CYB5R4: variants seen among roughly 807,000 people sequenced by gnomAD.
CYB5R4 encodes N-terminal cytochrome b5 and cytochrome b5 oxidoreductase domain-containing protein.
CYB5R4 carries 55 observed loss-of-function variants against 70.2 expected under a neutral mutation model. That is an observed-to-expected ratio of 0.78 (90% CI 0.63 to 0.98). The LOEUF (loss-of-function observed/expected upper bound fraction) is 0.98, where lower values mean the gene tolerates loss of function less well. CYB5R4 is among the 50% of genes least tolerant of loss of function. The pLI is 0.00. For missense variants in CYB5R4, 562 were observed against 612.6 expected, an observed-to-expected ratio of 0.92 and a Z score of 0.87; for synonymous variants, 197 against 199.5, an observed-to-expected ratio of 0.99 and a Z score of 0.11.
rs775759597 is a variant in CYB5R4, at chr6:83,947,182, C to T, written c.1346+6581C>T. On this transcript the variant is annotated intron_variant, in intron 14 of 15. Transcript: ENST00000369681. Reference sequence around the variant, plus strand: ...TACTGCAAGGCCACAGTAACCAAAACGGCATGGTACTGGTACCAAAACAGA... The same window carrying T: ...TACTGCAAGGCCACAGTAACCAAAATGGCATGGTACTGGTACCAAAACAGA... Among the ~76,000 whole-genome samples the T allele has an allele frequency of 6.6e-5, 10 of 152,140 alleles. No individual in the cohort carries two copies. In the South Asian group the frequency reaches 1.0e-3, roughly 16 times the overall value.
intron 2 of CYB5R4, among the ~76,000 whole-genome samples, chr6:83,890,634 A>G (rs2085280338): frequency 6.6e-6 from 1 of 152,184 alleles, no homozygotes; most frequent in Non-Finnish European, 1.5e-5. Context: ...TGTGAGTAAA[A>G]TGCTGTTAGA....
At chr6:83,923,123 A>T (rs778892198) in intron 9 of CYB5R4, among the ~76,000 whole-genome samples, 1 of 151,788 alleles carries the variant, frequency 6.6e-6, no homozygotes. Flanking sequence ...GCTTATAGAA[A>T]TATACTATGT....
chr6:83,911,993 G>A (rs2099464764), intron 4 of CYB5R4, among the ~76,000 whole-genome samples: 1 of 148,966 alleles, frequency 6.7e-6, no homozygotes, highest in Non-Finnish European at 1.5e-5. Context: ...CCAGGCAGAG[G>A]TTGCAGTGAG....
chr6:83,904,927 A>G (rs1324981215), intron 3 of CYB5R4, among the ~76,000 whole-genome samples: 1 of 150,974 alleles, frequency 6.6e-6, no homozygotes, highest in Non-Finnish European at 1.5e-5. Flanking sequence ...CCAGAGAATT[A>G]TTGTGTTCCT....
chr6:83,868,872 G>T (rs1263256871), intron 2 of CYB5R4, among the ~76,000 whole-genome samples: 1 of 152,162 alleles, frequency 6.6e-6, no homozygotes, highest in South Asian at 2.1e-4. Context: ...GGGCAGCATG[G>T]TTCACCCTTT....
chr6:83,870,933 A>AT (rs2099457498), intron 2 of CYB5R4, among the ~76,000 whole-genome samples: 1 of 132,244 alleles, frequency 7.6e-6, no homozygotes. Flanking sequence ...GAAAATCAAC[A>AT]TTATTTTAGT....
chr6:83,914,211 A>G (rs577743885), intron 4 of CYB5R4, among the ~76,000 whole-genome samples: 1 of 152,268 alleles, frequency 6.6e-6, no homozygotes, highest in East Asian at 1.9e-4. Context: ...ACATCTGGAG[A>G]AATATGGTCT....
At chr6:83,892,841 CCTCT>C (rs143031785) in intron 2 of CYB5R4, among the ~76,000 whole-genome samples, 11 of 145,044 alleles carry the variant, frequency 7.6e-5, no homozygotes, top group Non-Finnish European at 9.1e-5. Flanking sequence ...TCTCTCTCTT[CCTCT>C]CTCTCTCTCT....
At chr6:83,925,378 C>A (rs1206886798) in intron 10 of CYB5R4, among the ~76,000 whole-genome samples, 1 of 152,176 alleles carries the variant, frequency 6.6e-6, no homozygotes, top group Non-Finnish European at 1.5e-5. Flanking sequence ...ACCTCCAACA[C>A]TGGGGATTAC....
At chr6:83,951,585 T>A (rs2099471533) in intron 14 of CYB5R4, among the ~76,000 whole-genome samples, 1 of 152,218 alleles carries the variant, frequency 6.6e-6, no homozygotes, top group South Asian at 2.1e-4. Flanking sequence ...GTTTCCAGCT[T>A]CATCCATGTC....
Position 83,955,456 on chromosome 6 carries a change from G to A in CYB5R4, c.1505G>A (p.Gly502Glu), listed in dbSNP as rs780626535. The change falls in exon 15 of 16, where the codon GGA becomes GAA. Residue 502 changes from glycine (G) to glutamate (E), a missense_variant. Gly to Glu is a moderately conservative substitution (Grantham distance 98, BLOSUM62 -2). Coordinates refer to ENST00000369681, the MANE Select transcript of CYB5R4 (RefSeq NM_016230.4). ...ICGPVPFTEQGVRLLHDLNFS... is the reference protein window; with the variant it reads ...ICGPVPFTEQEVRLLHDLNFS... ...GGACCAGTGCCATTTACAGAACAAG[G>A]AGTAAGGTGAGTAACAGTGTAGTAG... is the stretch of plus-strand genomic sequence containing the variant. 1 of 1,613,240 alleles carries A rather than the reference G, an allele frequency of 6.2e-7. No individual in the cohort carries two copies. The highest frequency in any genetic ancestry group is 8.5e-7 in the Non-Finnish European group (1 of 1,179,568).
intron 9 of CYB5R4, among the ~76,000 whole-genome samples, chr6:83,923,735 CTCT>C (rs1286572134): frequency 6.6e-6 from 1 of 152,110 alleles, no homozygotes; most frequent in East Asian, 1.9e-4. Flanking sequence ...TCTCATGAGG[CTCT>C]TCTTGTGTTT....
At chr6:83,910,200 C>A in intron 4 of CYB5R4, 1 of 1,465,080 alleles carries the variant, frequency 6.8e-7, no homozygotes, top group African/African-American at 1.4e-5. Flanking sequence ...ATTGAATGGG[C>A]TGCCTGCCAG....
intron 2 of CYB5R4, among the ~76,000 whole-genome samples, chr6:83,887,772 A>G (rs1431425091): frequency 7.3e-6 from 1 of 137,432 alleles, no homozygotes; most frequent in Non-Finnish European, 1.6e-5. Flanking sequence ...TATCAGCATA[A>G]AGGAGGGGAT....
At chr6:83,899,161 GT>G (rs1477691468) in intron 3 of CYB5R4, among the ~76,000 whole-genome samples, 1 of 152,260 alleles carries the variant, frequency 6.6e-6, no homozygotes, top group Non-Finnish European at 1.5e-5. Context: ...TTTATTGAGA[GT>G]TTTTAGCATG....
chr6:83,891,045 C>T (rs927289717), intron 2 of CYB5R4, among the ~76,000 whole-genome samples: 1 of 151,952 alleles, frequency 6.6e-6, no homozygotes, highest in Non-Finnish European at 1.5e-5. Flanking sequence ...TGTGTTCAAG[C>T]GATCCGCCCA....
chr6:83,947,423 CAT>C (rs1402713959), intron 14 of CYB5R4, among the ~76,000 whole-genome samples: 1 of 151,988 alleles, frequency 6.6e-6, no homozygotes, highest in Non-Finnish European at 1.5e-5. Context: ...AAGATTTAAA[CAT>C]AAAATCTAAA....
intron 2 of CYB5R4, among the ~76,000 whole-genome samples, chr6:83,870,211 A>G (rs919595914): frequency 2.0e-5 from 3 of 152,166 alleles, no homozygotes; most frequent in African/African-American, 7.2e-5. Flanking sequence ...TCGCTAATTC[A>G]GTGTTTGCAG....
At chr6:83,883,770 A>G (rs1459983269) in intron 2 of CYB5R4, among the ~76,000 whole-genome samples, 1 of 152,100 alleles carries the variant, frequency 6.6e-6, no homozygotes, top group Admixed American at 6.6e-5. Context: ...TTATAAAAAT[A>G]CATATAAAAA....
Sources: gnomAD v4.1 joint callset for allele counts (sites outside exome capture counted in the v4.1 genomes callset) on GRCh38, gnomAD v4.1.1 for gene constraint, MANE v1.5 for transcripts, NCBI Gene and HGNC (gene_info 2026-07-23, HGNC 2026-07-21) for gene names.